The following GCA variants were observed in gnomAD, a reference collection of about 807,000 sequenced individuals.
GCA encodes the protein grancalcin, EF-hand calcium-binding protein.
Under a neutral mutation model 32.6 loss-of-function variants are expected in GCA, and 30 were observed. The ratio of observed to expected loss-of-function variants is 0.92; its 90% CI spans 0.69 to 1.25. The LOEUF is 1.25. Among genes scored for constraint, GCA ranks in the 50% most tolerant of loss-of-function variants. The probability of loss-of-function intolerance (pLI) is 0.00; values close to 1 mark genes in which losing one functional copy is unlikely to be tolerated. For missense variants in GCA, 291 were observed against 266.8 expected (o/e 1.09, Z -0.63); for synonymous variants, 102 against 84.6 (o/e 1.21, Z -1.13).
downstream of GCA, among the ~76,000 whole-genome samples, chr2:162,375,304 A>T (rs189544389): frequency 5.7e-3 from 876 of 152,364 alleles, 15 homozygotes; most frequent in African/African-American, 0.02. Context: ...TCAAGATCCA[A>T]AAATGAGTCA....
In GCA at chr2:162,323,421, C is replaced by G. The variant is rs548971258; in HGVS notation, c.-31+4196C>G. The stretch of plus-strand genomic sequence containing the variant: ...GAAGCTCTTTAGTTTAATTAGATAC[C>G]GTTTGTCAATTTTGGCTTTTGTTGC... On this transcript the variant is annotated intron_variant, in intron 1 of 4. Transcript: ENST00000429691. Among the ~76,000 whole-genome samples the G allele has an allele frequency of 6.6e-5, 10 of 151,888 alleles. No individual in the cohort carries two copies. The East Asian group carries it at 1.5e-3, about 24-fold the overall frequency.
chr2:162,332,579 A>G (rs937531267), intron 1 of GCA, among the ~76,000 whole-genome samples: 2 of 152,048 alleles, frequency 1.3e-5, no homozygotes, highest in Non-Finnish European at 2.9e-5. Flanking sequence ...TGCATAACTC[A>G]TGCCTACTAA....
chr2:162,344,143 C>A lies in GCA; in HGVS notation c.-106C>A. The A allele has an allele frequency of 2.4e-6, 3 of 1,234,352 alleles. No homozygotes were observed. Among genetic ancestry groups the A allele is most frequent in the Non-Finnish European group, 3.5e-6 (3 of 845,510 alleles). The allele number at this position is 1,234,352 out of a possible 1,614,324, so 76.5% of individuals were successfully genotyped here. A position where few individuals can be genotyped will look rare whatever the true frequency, so the allele number is the denominator to read the frequency against. Reference sequence around the variant, plus strand: ...TGAACTGTGCGGTTAGTGCGCCTTTCAGCCTCACCTGCAGCTGCGCCTCCT... The same window carrying A: ...TGAACTGTGCGGTTAGTGCGCCTTTAAGCCTCACCTGCAGCTGCGCCTCCT... On this transcript the variant is annotated 5_prime_UTR_variant, in exon 1 of 8. Coordinates refer to ENST00000437150, the MANE Select transcript of GCA (RefSeq NM_012198.5).
rs1000456407 is a variant in GCA, at chr2:162,361,265, G to C, written c.*1022G>C. ...GTAGGCACCACAGCAACTTTTCTGC[G>C]TGGTACTAAAACTGCCGAAAATGCG... is the stretch of plus-strand genomic sequence containing the variant. On this transcript the variant is annotated 3_prime_UTR_variant, in exon 8 of 8. Transcript: ENST00000437150. 2 of 984,632 alleles carry C rather than the reference G, an allele frequency of 2.0e-6. No homozygotes were observed. The highest frequency in any genetic ancestry group is 2.4e-6 in the Non-Finnish European group (2 of 829,440). The allele number at this position is 984,632 out of a possible 1,614,324, so 61.0% of individuals were successfully genotyped here. A position where few individuals can be genotyped will look rare whatever the true frequency, so the allele number is the denominator to read the frequency against.
chr2:162,323,611 T>C (rs1456551706), intron 1 of GCA, among the ~76,000 whole-genome samples: 9 of 151,970 alleles, frequency 5.9e-5, no homozygotes, highest in Non-Finnish European at 1.2e-4. Flanking sequence ...GAACCCAGTT[T>C]CAGCTTTCTA....
chr2:162,330,596 A>C (rs542185769), intron 1 of GCA, among the ~76,000 whole-genome samples: 1 of 152,198 alleles, frequency 6.6e-6, no homozygotes, highest in African/African-American at 2.4e-5. Flanking sequence ...TTCTGAACCT[A>C]TGTCCAGATT....
intron 3 of GCA, among the ~76,000 whole-genome samples, chr2:162,355,102 G>T (rs1685202078): frequency 6.6e-6 from 1 of 152,154 alleles, no homozygotes; most frequent in Admixed American, 6.5e-5. Context: ...AATTTCTCAT[G>T]TAATCCCCTC....
At chr2:162,334,370 G>A (rs1278783039) in intron 1 of GCA, among the ~76,000 whole-genome samples, 2 of 152,026 alleles carry the variant, frequency 1.3e-5, no homozygotes, top group East Asian at 1.9e-4. Flanking sequence ...TATAAAGGCA[G>A]AGAAGATAAC....
At chr2:162,364,573 C>G (rs1204889811), downstream of GCA, among the ~76,000 whole-genome samples, 1 of 151,464 alleles carries the variant, frequency 6.6e-6, no homozygotes. Flanking sequence ...GAAATGTTCT[C>G]TTGGTGTTCT....
At chr2:162,335,275 C>A (rs1410744492) in intron 1 of GCA, among the ~76,000 whole-genome samples, 1 of 152,044 alleles carries the variant, frequency 6.6e-6, no homozygotes, top group Admixed American at 6.6e-5. Flanking sequence ...TTTAGCCAGA[C>A]ATGGTGGCAG....
chr2:162,372,010 T>A (rs772919279), downstream of GCA: 2 of 1,613,784 alleles, frequency 1.2e-6, no homozygotes, highest in South Asian at 2.2e-5. Context: ...CAAGTTGTCT[T>A]CTGAAGCTGT....
intron 5 of GCA, 160 bp downstream of exon 5, chr2:162,357,065 A>C: frequency 2.0e-6 from 1 of 494,292 alleles, no homozygotes; most frequent in Non-Finnish European, 3.6e-6. Context: ...CTGACCAAAG[A>C]CCTCAACAAA....
At chr2:162,366,911 T>C (rs563337779), downstream of GCA, among the ~76,000 whole-genome samples, 18 of 151,850 alleles carry the variant, frequency 1.2e-4, no homozygotes, top group Non-Finnish European at 1.9e-4. Context: ...AATGTGCATG[T>C]TGGGTAAAGG....
At chr2:162,368,659 A>G (rs1193427520) in intron 4 of GCA, among the ~76,000 whole-genome samples, 1 of 151,988 alleles carries the variant, frequency 6.6e-6, no homozygotes, top group Non-Finnish European at 1.5e-5. Flanking sequence ...TCTTACACAA[A>G]CATATTAAAC....
At chr2:162,338,538 G>A (rs764291128) in intron 1 of GCA, among the ~76,000 whole-genome samples, 2 of 151,976 alleles carry the variant, frequency 1.3e-5, no homozygotes, top group Non-Finnish European at 1.5e-5. Flanking sequence ...TTACAGAAGC[G>A]GGTTACTAAC....
At chr2:162,365,149 A>G (rs1420757611), downstream of GCA, among the ~76,000 whole-genome samples, 1 of 151,466 alleles carries the variant, frequency 6.6e-6, no homozygotes, top group African/African-American at 2.4e-5. Flanking sequence ...TTAGCTAATG[A>G]GATTTACTTT....
rs1388119241 is a variant in GCA at position 162,322,664 on chromosome 2, T to A, written c.-31+3439T>A. Among the ~76,000 whole-genome samples the A allele has an allele frequency of 2.7e-5, 4 of 149,702 alleles. No individual in the cohort carries two copies. The East Asian group carries it at 7.9e-4, about 30-fold the overall frequency. ...TGAGTGAGAATATGCGGTGTTTGGT[T>A]TTTTGTTCTTGCGATAGTTTACTGA... On this transcript the variant is annotated intron_variant, in intron 1 of 4. Transcript: ENST00000429691.
chr2:162,344,451 G>C (rs1482291736), intron 1 of GCA, 176 bp downstream of exon 1: 4 of 629,050 alleles, frequency 6.4e-6, no homozygotes, highest in Non-Finnish European at 1.1e-5. Context: ...ATTGATCCTG[G>C]GCTGACTTGG....
At chr2:162,357,105 A>G (rs931784870) in intron 5 of GCA, 200 bp downstream of exon 5, 3 of 447,904 alleles carry the variant, frequency 6.7e-6, no homozygotes, top group Non-Finnish European at 1.2e-5. Context: ...TTTTCAAAAG[A>G]TGATCTTCCA....
Sources: gnomAD v4.1 joint callset for allele counts (sites outside exome capture counted in the v4.1 genomes callset) on GRCh38, gnomAD v4.1.1 for gene constraint, MANE v1.5 for transcripts, NCBI Gene and HGNC (gene_info 2026-07-23, HGNC 2026-07-21) for gene names.